The following TBC1D5 variants were observed in gnomAD, a reference collection of about 807,000 sequenced individuals.
TBC1D5 encodes the protein TBC1 domain family, member 5.
Under a neutral mutation model 100.3 loss-of-function variants are expected in TBC1D5, and 75 were observed. That is an observed-to-expected ratio of 0.75 (90% CI 0.62 to 0.91). TBC1D5 has a LOEUF of 0.91. TBC1D5 is among the 40% of genes least tolerant of loss of function. The pLI, the probability that TBC1D5 is intolerant of heterozygous loss-of-function variation, is 0.00. For synonymous variants in TBC1D5, 323 were observed against 325.6 expected, an observed-to-expected ratio of 0.99 and a Z score of 0.09; for missense variants, 910 against 942.4, an observed-to-expected ratio of 0.97 and a Z score of 0.45.
chr3:17,372,722 A>G (rs2092526731), intron 12 of TBC1D5, among the ~76,000 whole-genome samples: 1 of 152,216 alleles, frequency 6.6e-6, no homozygotes, highest in South Asian at 2.1e-4. Context: ...ACTCTGCTCA[A>G]AATGTTGATG....
chr3:17,253,397 T>G (rs908004737), intron 16 of TBC1D5, among the ~76,000 whole-genome samples: 1 of 152,238 alleles, frequency 6.6e-6, no homozygotes, highest in African/African-American at 2.4e-5. Context: ...TGAAGAGAGT[T>G]GTTAATTCTT....
intron 3 of TBC1D5, among the ~76,000 whole-genome samples, chr3:17,474,535 T>C (rs987444955): frequency 1.3e-5 from 2 of 152,046 alleles, no homozygotes; most frequent in African/African-American, 4.8e-5. Flanking sequence ...AAAGCTGATA[T>C]TCAAAAGTAA....
chr3:17,699,813 GAA>G (rs577083282), intron 1 of TBC1D5, among the ~76,000 whole-genome samples: 8 of 133,344 alleles, frequency 6.0e-5, no homozygotes, highest in Non-Finnish European at 6.5e-5. Context: ...TGTGTCAAGG[GAA>G]AAAAAAAAAA....
chr3:17,251,479 C>T (rs974903140), intron 16 of TBC1D5, among the ~76,000 whole-genome samples: 3 of 137,904 alleles, frequency 2.2e-5, no homozygotes, highest in African/African-American at 7.8e-5. Context: ...AAGAGACAGG[C>T]ACACATATGG....
chr3:17,476,263 T>C (rs1336870376), intron 3 of TBC1D5, among the ~76,000 whole-genome samples: 2 of 151,974 alleles, frequency 1.3e-5, no homozygotes, highest in African/African-American at 4.8e-5. Context: ...AAAAGTTTTA[T>C]AGTTTTGCTT....
chr3:17,183,455 A>T (rs1365533045), intron 19 of TBC1D5, among the ~76,000 whole-genome samples: 1 of 152,170 alleles, frequency 6.6e-6, no homozygotes, highest in African/African-American at 2.4e-5. Context: ...GGTCTATATG[A>T]ATTTTTAAAA....
At chr3:17,522,281 G>A (rs1031959586) in intron 2 of TBC1D5, among the ~76,000 whole-genome samples, 2 of 152,020 alleles carry the variant, frequency 1.3e-5, no homozygotes, top group African/African-American at 4.8e-5. Flanking sequence ...CTGTCCATAT[G>A]TGTTCTAACA....
At chr3:17,315,520 T>C (rs907667836) in intron 13 of TBC1D5, among the ~76,000 whole-genome samples, 4 of 152,226 alleles carry the variant, frequency 2.6e-5, no homozygotes, top group Non-Finnish European at 5.9e-5. Flanking sequence ...CTATCAACTA[T>C]GTGGGTCTAA....
chr3:17,664,156 ACCTCCC>A (rs1306030522), intron 1 of TBC1D5, among the ~76,000 whole-genome samples: 2 of 151,494 alleles, frequency 1.3e-5, no homozygotes, highest in Admixed American at 1.3e-4. Context: ...TGCAACCACC[ACCTCCC>A]GGGTTCAAGC....
chr3:17,611,938 T>C (rs2061699493), intron 2 of TBC1D5, among the ~76,000 whole-genome samples: 1 of 152,148 alleles, frequency 6.6e-6, no homozygotes, highest in South Asian at 2.1e-4. Context: ...GGATGCCCAA[T>C]ACTACTCTAT....
chr3:17,199,084 G>T (rs2071110854), intron 18 of TBC1D5, among the ~76,000 whole-genome samples: 1 of 152,198 alleles, frequency 6.6e-6, no homozygotes, highest in African/African-American at 2.4e-5. Context: ...TTTATAGTTA[G>T]TCCATCTTGG....
intron 16 of TBC1D5, among the ~76,000 whole-genome samples, chr3:17,254,590 T>C (rs2077466014): frequency 6.6e-6 from 1 of 152,176 alleles, no homozygotes; most frequent in African/African-American, 2.4e-5. Flanking sequence ...ATTCGGGATA[T>C]ATGTATTAAA....
At chr3:17,378,540 T>C (rs2092802153) in intron 9 of TBC1D5, among the ~76,000 whole-genome samples, 1 of 151,936 alleles carries the variant, frequency 6.6e-6, no homozygotes, top group African/African-American at 2.4e-5. Context: ...TTCGTTTCCT[T>C]GGTGATGTCT....
intron 18 of TBC1D5, among the ~76,000 whole-genome samples, chr3:17,209,679 T>C (rs2125929670): frequency 6.6e-6 from 1 of 152,360 alleles, no homozygotes; most frequent in Middle Eastern, 3.4e-3. Flanking sequence ...AGGTTTATCA[T>C]AACCTTTCTT....
chr3:17,157,332 C>T (rs991348130), exon 22 of TBC1D5: 2 of 152,234 alleles, frequency 1.3e-5, no homozygotes, highest in Non-Finnish European at 2.9e-5. Context: ...TGAATTGTGC[C>T]ACTGTGAGAA....
intron 2 of TBC1D5, among the ~76,000 whole-genome samples, chr3:17,617,528 A>G (rs2062275699): frequency 6.6e-6 from 1 of 152,222 alleles, no homozygotes; most frequent in Non-Finnish European, 1.5e-5. Context: ...AGCTTCAGGT[A>G]CACCAATCAA....
chr3:17,622,206 G>A (rs1045665207), intron 2 of TBC1D5, among the ~76,000 whole-genome samples: 3 of 152,116 alleles, frequency 2.0e-5, no homozygotes, highest in Admixed American at 2.0e-4. Context: ...TACACAATTC[G>A]TAACAGGGTT....
chr3:17,627,341 G>A (rs1185535957), intron 1 of TBC1D5, among the ~76,000 whole-genome samples: 1 of 151,976 alleles, frequency 6.6e-6, no homozygotes, highest in African/African-American at 2.4e-5. Flanking sequence ...ATAAAAATGA[G>A]GTTAAAAGTA....
At chr3:17,618,038 T>C (rs1360746785) in intron 2 of TBC1D5, among the ~76,000 whole-genome samples, 2 of 152,250 alleles carry the variant, frequency 1.3e-5, no homozygotes, top group Non-Finnish European at 2.9e-5. Flanking sequence ...TTTGTGGTTT[T>C]ATCTACCTTT....
Sources: allele counts gnomAD v4.1 joint callset (sites outside exome capture counted in the v4.1 genomes callset), GRCh38; gene constraint gnomAD v4.1.1; transcripts MANE v1.5; gene names NCBI Gene and HGNC (gene_info 2026-07-23, HGNC 2026-07-21).